Variants in NOL4 observed in about 807,000 individuals in gnomAD.
NOL4 encodes cancer/testis antigen 125.
A neutral mutation model predicts 75.9 loss-of-function variants in NOL4; 17 were observed. The ratio of observed to expected loss-of-function variants is 0.22; its 90% CI spans 0.15 to 0.34. The LOEUF is 0.34. Among genes scored for constraint, NOL4 ranks in the 10% least tolerant of loss-of-function variants. NOL4 has a pLI of 1.00. For missense variants in NOL4, 614 were observed against 793.5 expected (o/e 0.77, Z 2.72); for synonymous variants, 292 against 289.9 (o/e 1.01, Z -0.07).
chr18:33,889,116 C>A (rs1164398634), intron 9 of NOL4, among the ~76,000 whole-genome samples: 2 of 151,916 alleles, frequency 1.3e-5, no homozygotes, highest in Non-Finnish European at 2.9e-5. Context: ...AATTGATAGA[C>A]TGCTAGCAAG....
chr18:33,977,496 T>G (rs2071589549), intron 6 of NOL4, among the ~76,000 whole-genome samples: 1 of 152,170 alleles, frequency 6.6e-6, no homozygotes, highest in African/African-American at 2.4e-5. Context: ...TCTTTCGCCT[T>G]CCACCATGAT....
chr18:34,169,392 C>T (rs2032782523), intron 1 of NOL4, among the ~76,000 whole-genome samples: 1 of 149,346 alleles, frequency 6.7e-6, no homozygotes, highest in South Asian at 2.1e-4. Flanking sequence ...CTAAAGTAAC[C>T]ATTGGTATTT....
At chr18:34,176,580 T>C (rs2033565156) in intron 1 of NOL4, among the ~76,000 whole-genome samples, 1 of 152,050 alleles carries the variant, frequency 6.6e-6, no homozygotes. Context: ...AATGGGGCTT[T>C]GGGAGGCAAT....
At position 34,130,841 on chromosome 18, in the gene NOL4, T is replaced by C. The variant is rs183327383; in HGVS notation, c.265-821A>G. Among the ~76,000 whole-genome samples, 147 of 152,266 alleles carry C rather than the reference T, an allele frequency of 9.7e-4. 5 individuals carry two copies. Among genetic ancestry groups the C allele is most frequent in the Admixed American group, 8.8e-3 (134 of 15,288 alleles). ...AGAATTAAGAGAAAATATCACCTTCTGTTGAAGTAGATTCCAGGAAGAAAT... is the reference window on the plus strand; with the variant it reads ...AGAATTAAGAGAAAATATCACCTTCCGTTGAAGTAGATTCCAGGAAGAAAT... On this transcript the variant is annotated intron_variant, in intron 1 of 10. Transcript: ENST00000261592.
intron 8 of NOL4, among the ~76,000 whole-genome samples, chr18:33,950,302 G>A (rs937016811): frequency 4.0e-5 from 6 of 150,916 alleles, no homozygotes; most frequent in African/African-American, 1.2e-4. Context: ...AAAAAAACTC[G>A]CTAAACATTT....
chr18:34,104,238 A>G (rs2079166345), intron 3 of NOL4, 79 bp from the exon 4 acceptor site: 15 of 883,872 alleles, frequency 1.7e-5, no homozygotes. Context: ...TATTTCTCCA[A>G]ATTGAAACAG....
intron 1 of NOL4, among the ~76,000 whole-genome samples, chr18:34,166,292 C>T (rs916093011): frequency 6.6e-6 from 1 of 152,050 alleles, no homozygotes; most frequent in Non-Finnish European, 1.5e-5. Context: ...GATGAAAAGG[C>T]ATTAATAAAA....
chr18:33,878,280 T>C (rs1294184651), intron 10 of NOL4, among the ~76,000 whole-genome samples: 1 of 152,114 alleles, frequency 6.6e-6, no homozygotes, highest in Non-Finnish European at 1.5e-5. Context: ...CAAAATACTC[T>C]TTCAAAGTGT....
intron 5 of NOL4, among the ~76,000 whole-genome samples, chr18:34,058,391 C>A (rs1481392016): frequency 6.6e-6 from 1 of 152,190 alleles, no homozygotes; most frequent in African/African-American, 2.4e-5. Flanking sequence ...GCCTTGGCCT[C>A]CCAAAATGCT....
At chr18:34,179,535 C>T (rs2033856583) in intron 1 of NOL4, among the ~76,000 whole-genome samples, 1 of 151,234 alleles carries the variant, frequency 6.6e-6, no homozygotes, top group Non-Finnish European at 1.5e-5. Flanking sequence ...TATATTACTA[C>T]CAACTTACAT....
At chr18:34,104,237 A>G in intron 3 of NOL4, 78 bp from the exon 4 acceptor site, 1 of 885,094 alleles carries the variant, frequency 1.1e-6, no homozygotes, top group South Asian at 1.4e-5. Flanking sequence ...CTATTTCTCC[A>G]AATTGAAACA....
intron 2 of NOL4, among the ~76,000 whole-genome samples, chr18:34,112,970 T>C (rs932859911): frequency 7.2e-5 from 11 of 152,156 alleles, no homozygotes; most frequent in Non-Finnish European, 7.3e-5. Flanking sequence ...ACACCTAACA[T>C]ATATAAAATC....
At chr18:34,126,345 C>G (rs551003212) in intron 2 of NOL4, among the ~76,000 whole-genome samples, 1 of 152,206 alleles carries the variant, frequency 6.6e-6, no homozygotes, top group Non-Finnish European at 1.5e-5. Flanking sequence ...AGCCTATTTC[C>G]TTTTAGCTAT....
At chr18:34,003,276 T>C (rs1228408976) in intron 6 of NOL4, among the ~76,000 whole-genome samples, 2 of 152,104 alleles carry the variant, frequency 1.3e-5, no homozygotes, top group Non-Finnish European at 2.9e-5. Context: ...TGTTTTATTA[T>C]AATTATCTAT....
At chr18:33,999,278 G>C (rs1162196207) in intron 6 of NOL4, among the ~76,000 whole-genome samples, 1 of 151,578 alleles carries the variant, frequency 6.6e-6, no homozygotes, top group Non-Finnish European at 1.5e-5. Context: ...CTCTTGAGTA[G>C]CTGGGACTGT....
intron 10 of NOL4, among the ~76,000 whole-genome samples, chr18:33,853,958 C>A (rs2062730810): frequency 6.6e-6 from 1 of 152,000 alleles, no homozygotes; most frequent in African/African-American, 2.4e-5. Flanking sequence ...TTCAATTATT[C>A]TTTAAGTGTT....
intron 9 of NOL4, among the ~76,000 whole-genome samples, chr18:33,907,096 G>A (rs2066096913): frequency 1.3e-5 from 2 of 152,214 alleles, no homozygotes; most frequent in South Asian, 4.1e-4. Context: ...GGCCGAGGCA[G>A]GTGGATCATG....
intron 1 of NOL4, among the ~76,000 whole-genome samples, chr18:34,142,768 C>A (rs1390824748): frequency 1.3e-5 from 2 of 152,100 alleles, no homozygotes; most frequent in East Asian, 3.8e-4. Context: ...CAACATGGCA[C>A]ATGTATACAT....
intron 1 of NOL4, among the ~76,000 whole-genome samples, chr18:34,160,636 G>A (rs1449998778): frequency 2.6e-5 from 4 of 152,046 alleles, no homozygotes; most frequent in Non-Finnish European, 5.9e-5. Context: ...TATATATGTG[G>A]TCACTTTAAA....
Sources: gnomAD v4.1 joint callset for allele counts (sites outside exome capture counted in the v4.1 genomes callset) on GRCh38, gnomAD v4.1.1 for gene constraint, MANE v1.5 for transcripts, NCBI Gene and HGNC (gene_info 2026-07-23, HGNC 2026-07-21) for gene names.